Variants in PRIM2 observed in about 807,000 individuals in gnomAD.
The protein encoded by PRIM2 is DNA primase large subunit.
PRIM2 carries 39 observed loss-of-function variants against 67.3 expected under a neutral mutation model. That is an observed-to-expected ratio of 0.58 (90% confidence interval 0.45 to 0.76). PRIM2 has a LOEUF of 0.76. Ranked by LOEUF, PRIM2 falls within the 30% of genes least tolerant of loss-of-function variation. The probability of loss-of-function intolerance (pLI) is 0.00; values close to 1 mark genes in which losing one functional copy is unlikely to be tolerated. For synonymous variants in PRIM2, 143 were observed against 198.7 expected (o/e 0.72, Z 2.36); for missense variants, 398 against 598.7 (o/e 0.66, Z 3.50).
At chr6:57,600,727 G>A (rs1776448173) in intron 10 of PRIM2, among the ~76,000 whole-genome samples, 1 of 152,098 alleles carries the variant, frequency 6.6e-6, no homozygotes, top group African/African-American at 2.4e-5. Context: ...AGAATTAGGG[G>A]AAGGTGGATA....
At chr6:57,604,739 G>A (rs1215345626) in intron 11 of PRIM2, among the ~76,000 whole-genome samples, 3 of 151,458 alleles carry the variant, frequency 2.0e-5, no homozygotes, top group Admixed American at 2.0e-4. Flanking sequence ...TTCCCAGGCT[G>A]GAATGCAGTG....
At chr6:57,372,050 A>G (rs1175604190) in intron 5 of PRIM2, among the ~76,000 whole-genome samples, 1 of 152,262 alleles carries the variant, frequency 6.6e-6, no homozygotes, top group African/African-American at 2.4e-5. Flanking sequence ...CTCAATTTAC[A>G]TACTCTACAA....
At chr6:57,421,695 A>G (rs1771471503) in intron 7 of PRIM2, among the ~76,000 whole-genome samples, 3 of 152,140 alleles carry the variant, frequency 2.0e-5, no homozygotes, top group African/African-American at 7.2e-5. Context: ...TCAGCTTTCC[A>G]TCCCACTTCC....
At chr6:57,578,968 G>C (rs1447061204) in intron 10 of PRIM2, among the ~76,000 whole-genome samples, 2 of 151,982 alleles carry the variant, frequency 1.3e-5, no homozygotes, top group African/African-American at 2.4e-5. Flanking sequence ...GAGCCACCGC[G>C]CCCGGCCCAC....
At chr6:57,266,885 A>T in the PRIM2 span, among the ~76,000 whole-genome samples, 101 of 152,300 alleles carry the variant, frequency 6.6e-4, no homozygotes, top group African/African-American at 1.6e-3. Context: ...AAAAATAGTT[A>T]AAAAAAGTTA....
At chr6:57,448,925 G>C (rs6459225) in intron 7 of PRIM2, among the ~76,000 whole-genome samples, 2 of 152,172 alleles carry the variant, frequency 1.3e-5, no homozygotes, top group East Asian at 1.9e-4. Context: ...AAACCTCAAA[G>C]GAAGGGGATG....
chr6:57,402,949 G>A (rs1253065860), intron 7 of PRIM2, among the ~76,000 whole-genome samples: 1 of 151,992 alleles, frequency 6.6e-6, no homozygotes, highest in African/African-American at 2.4e-5. Context: ...TTGGAGATGT[G>A]TTTTAGCAAT....
chr6:57,369,986 T>C (rs1350083581), intron 5 of PRIM2, among the ~76,000 whole-genome samples: 1 of 152,240 alleles, frequency 6.6e-6, no homozygotes, highest in Non-Finnish European at 1.5e-5. Context: ...TTACATACTT[T>C]ATTTAATCCC....
intron 5 of PRIM2, among the ~76,000 whole-genome samples, chr6:57,340,011 G>A (rs9464439): frequency 0.63 from 95,115 of 150,256 alleles, 30,400 homozygotes; most frequent in African/African-American, 0.75. Context: ...AATTTATGAG[G>A]AAAAAAAAAC....
intron 5 of PRIM2, among the ~76,000 whole-genome samples, chr6:57,329,273 G>T (rs1398442448): frequency 6.6e-6 from 1 of 151,920 alleles, no homozygotes; most frequent in Non-Finnish European, 1.5e-5. Flanking sequence ...TGTAGTTTTA[G>T]CTCTTACGTT....
At chr6:57,561,304 T>C (rs1413943709) in intron 10 of PRIM2, among the ~76,000 whole-genome samples, 1 of 152,138 alleles carries the variant, frequency 6.6e-6, no homozygotes, top group Non-Finnish European at 1.5e-5. Flanking sequence ...TGATCTGGGC[T>C]CACTGGAACC....
chr6:57,273,174 G>A, the PRIM2 span, among the ~76,000 whole-genome samples: 1 of 152,144 alleles, frequency 6.6e-6, no homozygotes, highest in East Asian at 1.9e-4. Context: ...ATGTTGGCCT[G>A]CCTTGCTAGA....
intron 12 of PRIM2, among the ~76,000 whole-genome samples, chr6:57,614,819 C>CA (rs1474752628): frequency 6.6e-6 from 1 of 152,182 alleles, no homozygotes; most frequent in East Asian, 1.9e-4. Context: ...CACTGCACTC[C>CA]AGCCTGGGCA....
At chr6:57,463,479 G>A (rs1211859706) in intron 7 of PRIM2, among the ~76,000 whole-genome samples, 3 of 152,224 alleles carry the variant, frequency 2.0e-5, no homozygotes, top group Admixed American at 6.5e-5. Context: ...GTGACAGAGC[G>A]AGCCCCTATC....
At chr6:57,395,822 A>G (rs1239376382) in intron 7 of PRIM2, among the ~76,000 whole-genome samples, 1 of 152,124 alleles carries the variant, frequency 6.6e-6, no homozygotes, top group Non-Finnish European at 1.5e-5. Context: ...TCCTCTTAGC[A>G]CTGCCTTTGC....
chr6:57,385,944 T>G (rs942450456), intron 7 of PRIM2, among the ~76,000 whole-genome samples: 3 of 152,088 alleles, frequency 2.0e-5, no homozygotes, highest in African/African-American at 4.8e-5. Context: ...TTCTTTTTTT[T>G]TTTTTGGTTA....
At chr6:57,598,705 A>T (rs1377677324) in intron 10 of PRIM2, among the ~76,000 whole-genome samples, 5 of 151,596 alleles carry the variant, frequency 3.3e-5, no homozygotes, top group African/African-American at 4.9e-5. Context: ...TGGGCAACAT[A>T]GCAAGACCTT....
At chr6:57,421,553 CTG>C (rs1473321006) in intron 7 of PRIM2, among the ~76,000 whole-genome samples, 1 of 152,136 alleles carries the variant, frequency 6.6e-6, no homozygotes, top group Non-Finnish European at 1.5e-5. Context: ...TTTGTGACAT[CTG>C]TGTTTTTATT....
At chr6:57,606,072 G>A (rs1444134348) in intron 11 of PRIM2, among the ~76,000 whole-genome samples, 3 of 152,168 alleles carry the variant, frequency 2.0e-5, no homozygotes, top group Non-Finnish European at 4.4e-5. Flanking sequence ...GCTATTTTGT[G>A]ATTATTTGTG....
Sources: allele counts gnomAD v4.1 joint callset (sites outside exome capture counted in the v4.1 genomes callset), GRCh38; gene constraint gnomAD v4.1.1; transcripts MANE v1.5; gene names NCBI Gene and HGNC (gene_info 2026-07-23, HGNC 2026-07-21).